Variants in SGCD observed in about 807,000 individuals in gnomAD.
The protein encoded by SGCD is sarcoglycan delta.
Under a neutral mutation model 36.6 loss-of-function variants are expected in SGCD, and 18 were observed. That is an observed-to-expected ratio of 0.49 (90% CI 0.34 to 0.73). SGCD has a LOEUF of 0.73. Among genes scored for constraint, SGCD ranks in the 30% least tolerant of loss-of-function variants. The probability of loss-of-function intolerance (pLI) is 0.01; values close to 1 mark genes in which losing one functional copy is unlikely to be tolerated. For missense variants in SGCD, 387 were observed against 346.7 expected (o/e 1.12, Z -0.92); for synonymous variants, 133 against 130.6 (o/e 1.02, Z -0.12).
At chr5:155,872,671 G>A (rs772094193) in intron 1 of SGCD, among the ~76,000 whole-genome samples, 1 of 152,050 alleles carries the variant, frequency 6.6e-6, no homozygotes, top group Non-Finnish European at 1.5e-5. Flanking sequence ...TTTTTATTAA[G>A]TACTTCACTG....
chr5:156,635,436 G>T (rs1326991275), intron 6 of SGCD, among the ~76,000 whole-genome samples: 1 of 152,124 alleles, frequency 6.6e-6, no homozygotes, highest in East Asian at 1.9e-4. Flanking sequence ...CACTGTTGGT[G>T]GGACTGTAAA....
intron 1 of SGCD, among the ~76,000 whole-genome samples, chr5:156,073,116 G>T (rs919464351): frequency 1.3e-5 from 2 of 152,106 alleles, no homozygotes; most frequent in Admixed American, 6.6e-5. Context: ...CATCTGAAGA[G>T]AATATGGCCA....
chr5:156,669,271 C>A (rs1214756556), intron 7 of SGCD, among the ~76,000 whole-genome samples: 1 of 152,120 alleles, frequency 6.6e-6, no homozygotes, highest in Admixed American at 6.5e-5. Flanking sequence ...GACTTCAGCA[C>A]AGCCTGTTAG....
At chr5:156,240,643 T>C (rs1765282505) in intron 3 of SGCD, among the ~76,000 whole-genome samples, 1 of 152,154 alleles carries the variant, frequency 6.6e-6, no homozygotes, top group Admixed American at 6.6e-5. Flanking sequence ...GAATACATGC[T>C]TAGGAACATC....
chr5:156,409,315 T>A (rs1031850790), intron 3 of SGCD, among the ~76,000 whole-genome samples: 16 of 152,198 alleles, frequency 1.1e-4, no homozygotes, highest in African/African-American at 2.4e-5. Context: ...GCATTTTAAC[T>A]GCAATGGTCA....
chr5:156,204,232 C>T (rs1400455706), intron 3 of SGCD, among the ~76,000 whole-genome samples: 1 of 152,024 alleles, frequency 6.6e-6, no homozygotes, highest in Non-Finnish European at 1.5e-5. Context: ...AGGAAATTTT[C>T]TCCCTTATGG....
At chr5:156,692,757 G>A (rs1343833495) in intron 7 of SGCD, among the ~76,000 whole-genome samples, 2 of 152,168 alleles carry the variant, frequency 1.3e-5, no homozygotes, top group African/African-American at 2.4e-5. Flanking sequence ...GAGGAAATCA[G>A]ACTGAGATAG....
intron 3 of SGCD, among the ~76,000 whole-genome samples, chr5:156,362,807 C>T (rs538841956): frequency 1.3e-5 from 2 of 152,258 alleles, no homozygotes; most frequent in African/African-American, 2.4e-5. Context: ...TCACAGCAAC[C>T]TTCAAACATT....
intron 3 of SGCD, among the ~76,000 whole-genome samples, chr5:156,368,456 T>C (rs1770220765): frequency 1.3e-5 from 2 of 152,360 alleles, no homozygotes; most frequent in South Asian, 4.1e-4. Flanking sequence ...GAAATGTCTC[T>C]TCCAGAAGAA....
At chr5:156,003,497 C>T (rs1381503902) in intron 1 of SGCD, among the ~76,000 whole-genome samples, 1 of 152,148 alleles carries the variant, frequency 6.6e-6, no homozygotes, top group Non-Finnish European at 1.5e-5. Context: ...CTGACCTGGG[C>T]TGGGGCTGAC....
At chr5:156,550,830 G>C (rs1482081447) in intron 4 of SGCD, among the ~76,000 whole-genome samples, 1 of 152,182 alleles carries the variant, frequency 6.6e-6, no homozygotes, top group Non-Finnish European at 1.5e-5. Flanking sequence ...GGGACATAAT[G>C]CTTTTTAAAG....
At chr5:156,068,673 T>C (rs1760421274) in intron 1 of SGCD, among the ~76,000 whole-genome samples, 1 of 151,960 alleles carries the variant, frequency 6.6e-6, no homozygotes, top group South Asian at 2.1e-4. Context: ...GTATTTCTAG[T>C]TCTAGATCCC....
chr5:156,180,152 A>G (rs373785882), intron 3 of SGCD, among the ~76,000 whole-genome samples: 1 of 152,250 alleles, frequency 6.6e-6, no homozygotes, highest in African/African-American at 2.4e-5. Flanking sequence ...TTCTGAGCAC[A>G]AAAGTATTTT....
At chr5:156,602,519 A>G (rs976386339) in intron 6 of SGCD, among the ~76,000 whole-genome samples, 1 of 152,108 alleles carries the variant, frequency 6.6e-6, no homozygotes, top group African/African-American at 2.4e-5. Context: ...GAGAGTGGGC[A>G]TTCTTGTCCT....
intron 3 of SGCD, among the ~76,000 whole-genome samples, chr5:156,444,117 CCCTTCCCTCTCTCTCTCTCTCCTTCCCT>C (rs1753647940): frequency 2.4e-5 from 1 of 41,432 alleles, no homozygotes; most frequent in Non-Finnish European, 4.0e-5. Flanking sequence ...TCTCTCTCTC[CCCTTCCCTCTCTCTCTCTCTCCTTCCCT>C]TTCTCTCTCT....
intron 1 of SGCD, among the ~76,000 whole-genome samples, chr5:155,947,671 A>G (rs1757466918): frequency 6.6e-6 from 1 of 152,112 alleles, no homozygotes; most frequent in Non-Finnish European, 1.5e-5. Flanking sequence ...TTTGAAAACG[A>G]TTGCAATCAA....
chr5:156,394,410 T>G (rs1771746332), intron 3 of SGCD, among the ~76,000 whole-genome samples: 1 of 152,136 alleles, frequency 6.6e-6, no homozygotes, highest in African/African-American at 2.4e-5. Context: ...AAAACCAATT[T>G]GGGAATTAAC....
At chr5:156,551,917 A>T (rs1047157488) in intron 4 of SGCD, among the ~76,000 whole-genome samples, 1 of 152,186 alleles carries the variant, frequency 6.6e-6, no homozygotes, top group Non-Finnish European at 1.5e-5. Context: ...CATCTCCTCC[A>T]GAAAGCCTTT....
intron 7 of SGCD, among the ~76,000 whole-genome samples, chr5:156,732,498 G>T (rs1475328587): frequency 6.6e-6 from 1 of 152,148 alleles, no homozygotes; most frequent in Non-Finnish European, 1.5e-5. Context: ...GATTCAGTTT[G>T]CCAGTATTTT....
Sources: gnomAD v4.1 joint callset for allele counts (sites outside exome capture counted in the v4.1 genomes callset) on GRCh38, gnomAD v4.1.1 for gene constraint, MANE v1.5 for transcripts, NCBI Gene and HGNC (gene_info 2026-07-23, HGNC 2026-07-21) for gene names.